Variants in FUT8 observed in about 807,000 individuals in gnomAD.
FUT8 encodes the protein fucosyltransferase 8.
FUT8 carries 29 observed loss-of-function variants against 71.3 expected under a neutral mutation model. The ratio of observed to expected loss-of-function variants is 0.41; its 90% CI spans 0.30 to 0.55. The LOEUF is 0.55. Among genes scored for constraint, FUT8 ranks in the 20% least tolerant of loss-of-function variants. The pLI, the probability that FUT8 is intolerant of heterozygous loss-of-function variation, is 0.34. For synonymous variants in FUT8, 254 were observed against 239.3 expected (o/e 1.06, Z -0.57); for missense variants, 544 against 702.1 (o/e 0.77, Z 2.55).
At chr14:65,559,239 G>A (rs868305923) in intron 2 of FUT8, among the ~76,000 whole-genome samples, 6 of 152,000 alleles carry the variant, frequency 3.9e-5, no homozygotes, top group Non-Finnish European at 7.4e-5. Context: ...TTGCAGTGAA[G>A]GGAAAGAAAA....
chr14:65,609,131 C>CTAAAAATATAAAATTATAAAATA, intron 3 of FUT8, among the ~76,000 whole-genome samples: 1 of 151,722 alleles, frequency 6.6e-6, no homozygotes, highest in Admixed American at 6.6e-5. Context: ...CCCGTCTCTA[C>CTAAAAATATAAAATTATAAAATA]TAAAAATATA....
chr14:65,372,402 T>A, the FUT8 span, among the ~76,000 whole-genome samples: 1 of 151,992 alleles, frequency 6.6e-6, no homozygotes, highest in Non-Finnish European at 1.5e-5. Context: ...ATAACTAACC[T>A]CTTTCCCTTC....
At chr14:65,499,484 C>T (rs952787354) in intron 2 of FUT8, among the ~76,000 whole-genome samples, 1 of 151,750 alleles carries the variant, frequency 6.6e-6, no homozygotes, top group Admixed American at 6.6e-5. Flanking sequence ...TAATAAATAT[C>T]TACTTTATAG....
At chr14:65,454,337 A>G (rs2065868276) in intron 1 of FUT8, among the ~76,000 whole-genome samples, 1 of 152,148 alleles carries the variant, frequency 6.6e-6, no homozygotes, top group Admixed American at 6.5e-5. Flanking sequence ...ATAATAAAGC[A>G]TTATACAGGC....
chr14:65,642,458 C>G (rs528493280), intron 6 of FUT8, among the ~76,000 whole-genome samples: 29 of 152,112 alleles, frequency 1.9e-4, no homozygotes, highest in Non-Finnish European at 3.8e-4. Flanking sequence ...CAAAAATTAG[C>G]CAGGCGTGGT....
At chr14:65,468,259 G>A in intron 2 of FUT8, 1 of 623,324 alleles carries the variant, frequency 1.6e-6, no homozygotes. Flanking sequence ...TCGCATACAT[G>A]TGGCCAAAGG....
intron 7 of FUT8, among the ~76,000 whole-genome samples, chr14:65,671,155 A>C (rs1306203117): frequency 6.6e-6 from 1 of 152,216 alleles, no homozygotes; most frequent in African/African-American, 2.4e-5. Context: ...AATAATAGCC[A>C]GGGCCAAACT....
intron 2 of FUT8, 42 bp downstream of exon 2, chr14:65,455,760 A>G (rs1309086194): frequency 2.3e-5 from 9 of 397,540 alleles, no homozygotes; most frequent in Non-Finnish European, 3.5e-5. Flanking sequence ...TTCTAATTAT[A>G]TGTTAATATT....
At chr14:65,372,510 G>C in the FUT8 span, among the ~76,000 whole-genome samples, 1 of 151,828 alleles carries the variant, frequency 6.6e-6, no homozygotes, top group African/African-American at 2.4e-5. Context: ...CTGCCTCCCG[G>C]GTTCAAGTGA....
the FUT8 span, among the ~76,000 whole-genome samples, chr14:65,392,987 T>G: frequency 6.6e-6 from 1 of 152,220 alleles, no homozygotes; most frequent in Non-Finnish European, 1.5e-5. Context: ...AATGAGCATC[T>G]GTATTTTATC....
the FUT8 span, among the ~76,000 whole-genome samples, chr14:65,401,380 C>A: frequency 6.6e-6 from 1 of 152,186 alleles, no homozygotes; most frequent in Non-Finnish European, 1.5e-5. Flanking sequence ...GTAGCCACCA[C>A]CACCTTGAAG....
In FUT8 at chr14:65,677,680, T is replaced by TA. The variant is rs144002774; in HGVS notation, c.835+8208dup. 7.1e-3 allele frequency among the ~76,000 whole-genome samples: 1,081 copies of TA among 151,946 alleles called. 18 individuals carry two copies. The highest frequency in any genetic ancestry group is 0.024 in the African/African-American group (1,000 of 41,458). On this transcript the variant is annotated intron_variant, in intron 7 of 10. Coordinates refer to ENST00000673929, the MANE Select transcript of FUT8 (RefSeq NM_001371533.1). ...AATGTTTTTAATTATAAAGTTTCTT[T>TA]AAAAAAAATGGATCAGTACCATAAA...
intron 3 of FUT8, among the ~76,000 whole-genome samples, chr14:65,588,685 C>T (rs1441512134): frequency 1.3e-5 from 2 of 150,660 alleles, no homozygotes; most frequent in Admixed American, 1.3e-4. Context: ...TCAGTATACA[C>T]AGTCAACTGT....
chr14:65,424,539 C>CTTTTTTTTTTTTTTTTTTTT (rs796843891), intron 1 of FUT8, among the ~76,000 whole-genome samples: 2 of 125,418 alleles, frequency 1.6e-5, no homozygotes, highest in Admixed American at 8.0e-5. Flanking sequence ...CTTTTCTTTT[C>CTTTTTTTTTTTTTTTTTTTT]TTTTTTTTTT....
chr14:65,451,136 A>G (rs951313742), intron 1 of FUT8, among the ~76,000 whole-genome samples: 3 of 152,172 alleles, frequency 2.0e-5, no homozygotes, highest in Non-Finnish European at 2.9e-5. Flanking sequence ...GATTACAGGC[A>G]TGAGCCACTG....
chr14:65,562,830 G>A (rs1387068271), intron 3 of FUT8, among the ~76,000 whole-genome samples: 1 of 152,034 alleles, frequency 6.6e-6, no homozygotes. Context: ...AGCTGTTACG[G>A]AAACTGAGGA....
chr14:65,632,216 C>T (rs57638372), intron 6 of FUT8, among the ~76,000 whole-genome samples: 9,707 of 152,110 alleles, frequency 0.064, 582 homozygotes, highest in African/African-American at 0.15. Flanking sequence ...TTTCATGTAA[C>T]GACTCCTTTT....
chr14:65,627,477 G>A lies in FUT8; in HGVS notation c.483-2015G>A, dbSNP rs572603302. 6.6e-6 allele frequency among the ~76,000 whole-genome samples: 1 copy of A among 152,356 alleles called. No homozygotes were observed. The highest frequency in any genetic ancestry group is 6.5e-5 in the Admixed American group (1 of 15,304). Reference sequence around the variant, plus strand: ...AGCGGGCGACTTGAGAGGGTCAAGTGTGCTGTCTGACCATTGACTTGGGCC... The same window carrying A: ...AGCGGGCGACTTGAGAGGGTCAAGTATGCTGTCTGACCATTGACTTGGGCC... On this transcript the variant is annotated intron_variant, in intron 5 of 10. Transcript: ENST00000673929. The surrounding 1 kb of genome is among the most constrained non-coding windows in gnomAD (Gnocchi z 4.0).
intron 2 of FUT8, among the ~76,000 whole-genome samples, chr14:65,514,019 A>G (rs1239933155): frequency 1.3e-5 from 2 of 152,220 alleles, no homozygotes. Context: ...CTTTATGTCA[A>G]CAGGTGAACT....
Sources: allele counts gnomAD v4.1 joint callset (sites outside exome capture counted in the v4.1 genomes callset), GRCh38; gene constraint gnomAD v4.1.1; non-coding constraint Gnocchi (gnomAD v3.1); transcripts MANE v1.5; gene names NCBI Gene and HGNC (gene_info 2026-07-23, HGNC 2026-07-21).